Variants in WAC observed in about 807,000 individuals in gnomAD.
WAC encodes WW domain-containing adapter protein with coiled-coil.
A neutral mutation model predicts 79.6 loss-of-function variants in WAC; 11 were observed. That is an observed-to-expected ratio of 0.14 (90% CI 0.09 to 0.23). The LOEUF (loss-of-function observed/expected upper bound fraction) is 0.23. Ranked by LOEUF, WAC falls within the 10% of genes least tolerant of loss-of-function variation. WAC has a pLI of 1.00. For synonymous variants in WAC, 304 were observed against 276.9 expected (o/e 1.10, Z -0.97); for missense variants, 728 against 773.5 (o/e 0.94, Z 0.70).
chr10:28,543,182 G>A (rs148588942), intron 3 of WAC, among the ~76,000 whole-genome samples: 1 of 152,092 alleles, frequency 6.6e-6, no homozygotes, highest in Non-Finnish European at 1.5e-5. Context: ...CAAGATCTCG[G>A]GTGATACCTA....
At chr10:28,583,341 T>C (rs1564400451) in intron 3 of WAC, 58 bp from the exon 4 acceptor site, 2 of 1,281,378 alleles carry the variant, frequency 1.6e-6, no homozygotes, top group African/African-American at 1.5e-5. Context: ...GAAAACAGTT[T>C]AGATTAAACA....
intron 3 of WAC, chr10:28,537,746 C>G (rs1421998630): frequency 6.6e-6 from 1 of 152,168 alleles, no homozygotes; most frequent in African/African-American, 2.4e-5. Flanking sequence ...GTGTTTTAGC[C>G]ACTTACTTTT....
At chr10:28,539,215 T>A (rs1836865307) in intron 3 of WAC, among the ~76,000 whole-genome samples, 1 of 152,192 alleles carries the variant, frequency 6.6e-6, no homozygotes, top group Admixed American at 6.5e-5. Context: ...ATCTTGGATT[T>A]CATTGAAAAA....
intron 12 of WAC, among the ~76,000 whole-genome samples, chr10:28,616,700 G>A (rs1256045821): frequency 6.6e-6 from 1 of 152,034 alleles, no homozygotes; most frequent in African/African-American, 2.4e-5. Flanking sequence ...TGATCCCAGG[G>A]TCACCCAGTT....
intron 3 of WAC, among the ~76,000 whole-genome samples, chr10:28,582,399 C>T (rs1365769636): frequency 6.6e-6 from 1 of 152,160 alleles, no homozygotes; most frequent in East Asian, 1.9e-4. Flanking sequence ...TTCACCTTTC[C>T]TCTTACCATT....
intron 3 of WAC, among the ~76,000 whole-genome samples, chr10:28,569,102 A>G (rs1309111000): frequency 2.6e-5 from 4 of 152,222 alleles, no homozygotes; most frequent in African/African-American, 4.8e-5. Context: ...ACAAAGTAGC[A>G]TGATTCTATT....
At chr10:28,600,603 A>G in intron 7 of WAC, among the ~76,000 whole-genome samples, 1 of 152,164 alleles carries the variant, frequency 6.6e-6, no homozygotes, top group East Asian at 1.9e-4. Flanking sequence ...GGTTTAGTCA[A>G]CTTAATGAAG....
In WAC at chr10:28,619,628, G is replaced by GT. The variant is rs1294336205; in HGVS notation, c.*26dup. 1.9e-6 allele frequency: 3 copies of GT among 1,559,170 alleles called. No homozygotes were observed. The highest frequency in any genetic ancestry group is 2.8e-5 in the African/African-American group (2 of 71,138). ...GTGAAGATGTGAATAATTGCACATG[G>GT]TTTTGAGAACAGGAACTGTAAATCT... On this transcript the variant is annotated 3_prime_UTR_variant, in exon 14 of 14. Transcript: ENST00000354911.
chr10:28,597,623 T>C (rs144173890), intron 7 of WAC, among the ~76,000 whole-genome samples: 1 of 152,200 alleles, frequency 6.6e-6, no homozygotes, highest in Non-Finnish European at 1.5e-5. Context: ...GTTACTGTTA[T>C]GACTACCAAG....
intron 3 of WAC, among the ~76,000 whole-genome samples, chr10:28,541,630 G>A (rs1837056479): frequency 1.3e-5 from 2 of 151,570 alleles, no homozygotes; most frequent in African/African-American, 2.4e-5. Flanking sequence ...TTTCTATATT[G>A]TTTCTCATCT....
chr10:28,617,043 A>G (rs1432196775), intron 12 of WAC, among the ~76,000 whole-genome samples: 1 of 152,110 alleles, frequency 6.6e-6, no homozygotes, highest in African/African-American at 2.4e-5. Flanking sequence ...AGATTGCACC[A>G]CTGTACTCCA....
Position 28,535,541 on chromosome 10 carries a change from TGGGGGGGTGA to T in WAC, c.79-20_79-11del. The T allele has an allele frequency of 2.6e-6, 4 of 1,530,226 alleles. No individual in the cohort carries two copies. The highest frequency in any genetic ancestry group is 2.0e-5 in the Admixed American group (1 of 49,886). 94.8% of individuals were successfully genotyped at this position (1,530,226 alleles called of 1,614,324 possible). A position where few individuals can be genotyped will look rare whatever the true frequency, so the allele number is the denominator to read the frequency against. On this transcript the variant is annotated splice_polypyrimidine_tract_variant and intron_variant, in intron 2 of 13. Coordinates refer to ENST00000354911, the MANE Select transcript of WAC (RefSeq NM_016628.5). Reference sequence around the variant, plus strand: ...GGTTTCAATTCTTTCTCTCTTTTTTTGGGGGGGTGATGTTTTACAGGCACTTAAGTATTCA... The same window carrying T: ...GGTTTCAATTCTTTCTCTCTTTTTTTTGTTTTACAGGCACTTAAGTATTCA...
chr10:28,566,521 G>A (rs533203739), intron 3 of WAC, among the ~76,000 whole-genome samples: 1 of 152,266 alleles, frequency 6.6e-6, no homozygotes, highest in Admixed American at 6.5e-5. Context: ...ATTTGTGAAT[G>A]TATGTTGATT....
chr10:28,567,331 G>A (rs181759969), intron 3 of WAC, among the ~76,000 whole-genome samples: 1 of 151,736 alleles, frequency 6.6e-6, no homozygotes. Flanking sequence ...AGTGGATCCA[G>A]TGTGGATAGT....
chr10:28,567,842 C>A (rs762169573), intron 3 of WAC, among the ~76,000 whole-genome samples: 12 of 152,038 alleles, frequency 7.9e-5, no homozygotes, highest in Non-Finnish European at 1.6e-4. Flanking sequence ...GCAGCCTTGA[C>A]CTCCTCAGCT....
intron 3 of WAC, among the ~76,000 whole-genome samples, chr10:28,573,130 A>G (rs561814485): frequency 7.1e-6 from 1 of 141,774 alleles, no homozygotes; most frequent in South Asian, 2.3e-4. Context: ...TTTTTTTTCT[A>G]TTTTTAAGAT....
At chr10:28,602,124 A>G (rs1840674674) in intron 7 of WAC, among the ~76,000 whole-genome samples, 2 of 152,152 alleles carry the variant, frequency 1.3e-5, no homozygotes, top group South Asian at 4.1e-4. Flanking sequence ...CTAGGAGGAT[A>G]TTTTTCACTC....
chr10:28,618,000 T>C (rs1358697577), intron 13 of WAC: 1 of 377,950 alleles, frequency 2.6e-6, no homozygotes, highest in African/African-American at 2.2e-5. Flanking sequence ...CATTAGACTT[T>C]TCTCATAACT....
chr10:28,536,175 T>G (rs775068504), intron 3 of WAC, among the ~76,000 whole-genome samples: 70 of 151,872 alleles, frequency 4.6e-4, no homozygotes, highest in Admixed American at 1.6e-3. Context: ...TGAACCTGGT[T>G]GGTGGAGGTT....
Sources: gnomAD v4.1 joint callset for allele counts (sites outside exome capture counted in the v4.1 genomes callset) on GRCh38, gnomAD v4.1.1 for gene constraint, MANE v1.5 for transcripts, NCBI Gene and HGNC (gene_info 2026-07-23, HGNC 2026-07-21) for gene names.